The following BCL3 variants were observed in gnomAD, a reference collection of about 807,000 sequenced individuals.
BCL3 encodes the protein B-cell lymphoma 3 protein.
BCL3 carries 15 observed loss-of-function variants against 35.7 expected under a neutral mutation model. The ratio of observed to expected loss-of-function variants is 0.42; its 90% CI spans 0.28 to 0.65. The LOEUF is 0.65. BCL3 is among the 30% of genes least tolerant of loss of function. BCL3 has a pLI of 0.22. For missense variants in BCL3, 565 were observed against 641.7 expected (o/e 0.88, Z 1.29); for synonymous variants, 311 against 284.3 (o/e 1.09, Z -0.95).
Position 44,756,298 on chromosome 19 carries a change from G to A in BCL3, c.477G>A (p.Gln159=). The stretch of plus-strand genomic sequence containing the variant: ...TGCACCGGCTGGTCAACCTCTTCCA[G>A]CAGGGGGGCCGGGAGCTCGACATCT... The part of the protein sequence containing the change: ...PAVHRLVNLF[Q]QGGRELDIYN... The change falls in exon 3 of 9, where the codon CAG becomes CAA. Residue 159 remains glutamine (Q), a synonymous_variant. Transcript: ENST00000164227. The A allele has an allele frequency of 6.5e-7, 1 of 1,549,238 alleles. No individual in the cohort carries two copies. Among genetic ancestry groups the A allele is most frequent in the Non-Finnish European group, 8.7e-7 (1 of 1,143,766 alleles).
rs1018898320 is a variant in BCL3, at chr19:44,757,503, G to C, written c.813+88G>C. 15 of 1,492,288 alleles carry C rather than the reference G, an allele frequency of 1.0e-5. No homozygotes were observed. Among genetic ancestry groups the C allele is most frequent in the Non-Finnish European group, 1.4e-5 (15 of 1,096,756 alleles). The allele number at this position is 1,492,288 out of a possible 1,614,324, so 92.4% of individuals were successfully genotyped here. ...GCGGGGCCAGTGTGGGGCTGGCGTG[G>C]GAGAGCACCCGGGTGGGGTGGGGCT... On this transcript the variant is annotated intron_variant, in intron 5 of 8. Transcript: ENST00000164227. This position sits in a 1 kb window ranked among gnomAD's most constrained non-coding sequence, Gnocchi z 8.4.
At chr19:44,748,509 G>A (rs997936365), upstream of BCL3, 9 of 175,790 alleles carry the variant, frequency 5.1e-5, no homozygotes, top group South Asian at 1.7e-3. Flanking sequence ...GGCTGCCCCA[G>A]GCGCCGCGGG....
At chr19:44,758,611 C>T (rs1967346638) in intron 7 of BCL3, 113 bp from the exon 8 acceptor site, 1 of 1,264,518 alleles carries the variant, frequency 7.9e-7, no homozygotes. Context: ...CCTTGCCCAT[C>T]TTTTCATACT....
In BCL3 at chr19:44,748,986, C is replaced by T. The variant is rs904016809; in HGVS notation, c.196C>T (p.Leu66=). 2 of 1,384,260 alleles carry T rather than the reference C, an allele frequency of 1.4e-6. No individual in the cohort carries two copies. The highest frequency in any genetic ancestry group is 1.9e-6 in the Non-Finnish European group (2 of 1,067,220). The allele number at this position is 1,384,260 out of a possible 1,614,324, so 85.7% of individuals were successfully genotyped here. ...PLDPLRGGCD[L]PAVPGPPHGL... ...GGACCCTCTGCGCGGCGGCTGCGAC[C>T]TGCCGGCGGTCCCCGGGCCCCCCCA... Residue 66 remains leucine, a synonymous_variant, in exon 1 of 9, where the codon CTG becomes TTG. Transcript: ENST00000164227.
rs2122315442 is a variant in BCL3 at position 44,759,472 on chromosome 19, C to T, written c.1222C>T (p.Pro408Ser). The change falls in exon 9 of 9, where the codon CCC (proline) becomes TCC (serine). Residue 408 changes from proline (P) to serine (S), a missense_variant. Pro to Ser is a moderately conservative substitution (Grantham distance 74). Transcript: ENST00000164227. The part of the protein sequence containing the change: ...SPSSSPSQSP[P>S]RDPPGFPMAP... ...ATCCTCCTCACCCTCCCAGTCTCCC[C>T]CCAGGGACCCCCCTGGATTCCCCAT... The T allele has an allele frequency of 6.2e-7, 1 of 1,612,188 alleles. No individual in the cohort carries two copies. Among genetic ancestry groups the T allele is most frequent in the Non-Finnish European group, 8.5e-7 (1 of 1,178,922 alleles).
At chr19:44,748,656 G>A (rs1967113836), upstream of BCL3, 2 of 1,022,496 alleles carry the variant, frequency 2.0e-6, no homozygotes, top group Admixed American at 5.6e-5. Flanking sequence ...CGGGGAGGCG[G>A]GCGGCCGGCA....
At position 44,757,489 on chromosome 19, in the gene BCL3, G is replaced by A; in HGVS notation, c.813+74G>A. 6.7e-7 allele frequency: 1 copy of A among 1,482,250 alleles called. No homozygotes were observed. Among genetic ancestry groups the A allele is most frequent in the Non-Finnish European group, 9.2e-7 (1 of 1,090,124 alleles). 91.8% of individuals were successfully genotyped at this position (1,482,250 alleles called of 1,614,324 possible). On this transcript the variant is annotated intron_variant, in intron 5 of 8. Coordinates refer to ENST00000164227, the MANE Select transcript of BCL3 (RefSeq NM_005178.5). This position sits in a 1 kb window ranked among gnomAD's most constrained non-coding sequence, Gnocchi z 8.4. Reference sequence around the variant, plus strand: ...GGGTCTTGGCGGGGGCGGGGCCAGTGTGGGGCTGGCGTGGGAGAGCACCCG... The same window carrying A: ...GGGTCTTGGCGGGGGCGGGGCCAGTATGGGGCTGGCGTGGGAGAGCACCCG...
chr19:44,757,541 C>T lies in BCL3; in HGVS notation c.814-105C>T. On this transcript the variant is annotated intron_variant, in intron 5 of 8. Transcript: ENST00000164227. The surrounding 1 kb of genome is among the most constrained non-coding windows in gnomAD (Gnocchi z 8.4). ...GTGGGGTGGGGCTTGGAGTATCAGA[C>T]CCAAGAGAGAGGCTGGACCCCGCGA... 3 of 1,524,226 alleles carry T rather than the reference C, an allele frequency of 2.0e-6. No individual in the cohort carries two copies. The highest frequency in any genetic ancestry group is 2.7e-6 in the Non-Finnish European group (3 of 1,107,492). The allele number at this position is 1,524,226 out of a possible 1,614,324, so 94.4% of individuals were successfully genotyped here. A position where few individuals can be genotyped will look rare whatever the true frequency, so the allele number is the denominator to read the frequency against.
chr19:44,756,114 T>G, intron 2 of BCL3, 118 bp from the exon 3 acceptor site: 2 of 656,268 alleles, frequency 3.0e-6, no homozygotes, highest in Non-Finnish European at 4.6e-6. Context: ...GAGAAGTGTT[T>G]GAATACTGGG....
In BCL3 at chr19:44,751,374, G is replaced by A; in HGVS notation, c.404G>A (p.Gly135Glu). 1 of 1,579,770 alleles carries A rather than the reference G, an allele frequency of 6.3e-7. No individual in the cohort carries two copies. Residue 135 changes from glycine (G) to glutamate (E), a missense_variant, in exon 2 of 9, where the codon GGA (glycine) becomes GAA (glutamate). By Grantham distance (98) the Gly-to-Glu change is moderately conservative. Transcript: ENST00000164227. ...ATGGCCACCCGTGCAGATGAGGACG[G>A]AGACACGTGAGTGACAGTCCCCTAT... ...IAMATRADEDGDTPLHIAVVQ... is the reference protein window; with the variant it reads ...IAMATRADEDEDTPLHIAVVQ...
rs748322046 is a variant in BCL3 at position 44,751,276 on chromosome 19, T to A, written c.306T>A (p.Pro102=). 1.9e-6 allele frequency: 3 copies of A among 1,611,348 alleles called. No individual in the cohort carries two copies. In the South Asian group the frequency reaches 3.3e-5, roughly 18 times the overall value. Residue 102 remains proline, a synonymous_variant, in exon 2 of 9, where the codon CCT becomes CCA. Coordinates refer to ENST00000164227, the MANE Select transcript of BCL3 (RefSeq NM_005178.5). ...CTCGGGCCATGGGCTCCCCGTTTCC[T>A]CTGGTGAACCTGCCTACACCCCTAT... ...YPTRAMGSPF[P]LVNLPTPLYP...
Position 44,758,278 on chromosome 19 carries a change from C to T in BCL3, c.924C>T (p.Ser308=), listed in dbSNP as rs1967338648. 1.2e-5 allele frequency: 18 copies of T among 1,522,952 alleles called. No homozygotes were observed. Among genetic ancestry groups the T allele is most frequent in the Non-Finnish European group, 1.6e-5 (18 of 1,144,590 alleles). The allele number at this position is 1,522,952 out of a possible 1,614,324, so 94.3% of individuals were successfully genotyped here. The change falls in exon 7 of 9, where the codon TCC becomes TCT. Residue 308 remains serine (S), a synonymous_variant. Coordinates refer to ENST00000164227, the MANE Select transcript of BCL3 (RefSeq NM_005178.5). ...HGANVNAQMY[S]GSSALHSASG... ...CCAACGTGAACGCGCAAATGTACTC[C>T]GGCAGCTCCGCCCTGCACTCAGCGT... is the stretch of plus-strand genomic sequence containing the variant.
rs1270450096 is a variant in BCL3, at chr19:44,759,913, C to G, written c.*298C>G. 5.5e-6 allele frequency: 2 copies of G among 364,560 alleles called. No homozygotes were observed. The highest frequency in any genetic ancestry group is 4.2e-5 in the African/African-American group (2 of 47,702). The allele number at this position is 364,560 out of a possible 1,614,324, so 22.6% of individuals were successfully genotyped here. ...TCCCAGAGCTGGTGGACCCAGGGAA[C>G]AGCCACTCCCCTCCACTCTCTACCA... On this transcript the variant is annotated 3_prime_UTR_variant, in exon 9 of 9. Transcript: ENST00000164227.
intron 1 of BCL3, 90 bp downstream of exon 1, chr19:44,749,136 G>C: frequency 1.6e-6 from 1 of 617,696 alleles, no homozygotes. Context: ...GGCACAAACC[G>C]GTGTCTCTCC....
rs769017139 is a variant in BCL3, at chr19:44,759,487, G to C, written c.1237G>C (p.Gly413Arg). The C allele has an allele frequency of 1.2e-6, 2 of 1,611,446 alleles. No homozygotes were observed. The highest frequency in any genetic ancestry group is 1.7e-6 in the Non-Finnish European group (2 of 1,178,786). ...CCAGTCTCCCCCCAGGGACCCCCCTGGATTCCCCATGGCTCCTCCCAATTT... is the reference window on the plus strand; with the variant it reads ...CCAGTCTCCCCCCAGGGACCCCCCTCGATTCCCCATGGCTCCTCCCAATTT... ...PSQSPPRDPP[G>R]FPMAPPNFFL... is the part of the protein sequence containing the mutation. The change falls in exon 9 of 9, where the codon GGA (glycine) becomes CGA (arginine). Residue 413 changes from glycine to arginine, a missense_variant. Coordinates refer to ENST00000164227, the MANE Select transcript of BCL3 (RefSeq NM_005178.5).
In BCL3 at chr19:44,757,475, G is replaced by A; in HGVS notation, c.813+60G>A. ...CCTTAGCAGGGGCGGGGTCTTGGCG[G>A]GGGCGGGGCCAGTGTGGGGCTGGCG... On this transcript the variant is annotated intron_variant, in intron 5 of 8. Coordinates refer to ENST00000164227, the MANE Select transcript of BCL3 (RefSeq NM_005178.5). This position sits in a 1 kb window ranked among gnomAD's most constrained non-coding sequence, Gnocchi z 8.4. The A allele has an allele frequency of 6.7e-7, 1 of 1,484,860 alleles. No homozygotes were observed. The highest frequency in any genetic ancestry group is 9.2e-7 in the Non-Finnish European group (1 of 1,091,354). 92.0% of individuals were successfully genotyped at this position (1,484,860 alleles called of 1,614,324 possible). A position where few individuals can be genotyped will look rare whatever the true frequency, so the allele number is the denominator to read the frequency against.
At chr19:44,758,468 T>C (rs1424997733) in intron 7 of BCL3, 55 bp downstream of exon 7, 1 of 1,508,094 alleles carries the variant, frequency 6.6e-7, no homozygotes, top group East Asian at 2.5e-5. Context: ...CGCGGGCTGG[T>C]TGCAGGCGAG....
chr19:44,749,114 G>A (rs1162335578), intron 1 of BCL3, 68 bp downstream of exon 1: 3 of 876,398 alleles, frequency 3.4e-6, no homozygotes, highest in East Asian at 3.9e-5. Context: ...AGAGCCAGGA[G>A]GCAGAGCTTG....
rs1967309671 is a variant in BCL3 at position 44,757,240 on chromosome 19, G to A, written c.724+19G>A. 2 of 1,545,338 alleles carry A rather than the reference G, an allele frequency of 1.3e-6. No individual in the cohort carries two copies. The highest frequency in any genetic ancestry group is 2.4e-5 in the East Asian group (1 of 40,898). ...TATGACGGTAAGCATTTACCGCGGG[G>A]CACCGCTGGGCTGTCCAGCGGACCT... is the stretch of plus-strand genomic sequence containing the variant. On this transcript the variant is annotated intron_variant, in intron 4 of 8. Coordinates refer to ENST00000164227, the MANE Select transcript of BCL3 (RefSeq NM_005178.5). The surrounding 1 kb of genome is among the most constrained non-coding windows in gnomAD (Gnocchi z 8.4).
Sources: allele counts gnomAD v4.1 joint callset, GRCh38; gene constraint gnomAD v4.1.1; non-coding constraint Gnocchi (gnomAD v3.1); transcripts MANE v1.5; gene names NCBI Gene and HGNC (gene_info 2026-07-23, HGNC 2026-07-21).